Variants in AOPEP observed in about 807,000 individuals in gnomAD.
AOPEP encodes aminopeptidase O (putative).
Under a neutral mutation model 98.1 loss-of-function variants are expected in AOPEP, and 77 were observed. That is an observed-to-expected ratio of 0.78 (90% CI 0.65 to 0.95). The LOEUF is 0.95. Ranked by LOEUF, AOPEP falls within the 40% of genes least tolerant of loss-of-function variation. AOPEP has a pLI of 0.00. For missense variants in AOPEP, 1,024 were observed against 1,024.7 expected (o/e 1.00, Z 0.01); for synonymous variants, 346 against 365.3 (o/e 0.95, Z 0.60).
chr9:95,106,092 T>C, the AOPEP span, among the ~76,000 whole-genome samples: 1 of 152,208 alleles, frequency 6.6e-6, no homozygotes, highest in Non-Finnish European at 1.5e-5. Context: ...CCGGGAAGCA[T>C]ATGAGTGTTC....
chr9:95,032,048 C>A (rs2064351441), intron 13 of AOPEP, among the ~76,000 whole-genome samples: 1 of 152,174 alleles, frequency 6.6e-6, no homozygotes, highest in Non-Finnish European at 1.5e-5. Context: ...TTAACCATAA[C>A]ATGGAAAGGG....
At chr9:95,041,378 C>T (rs958962168) in intron 13 of AOPEP, among the ~76,000 whole-genome samples, 7 of 149,976 alleles carry the variant, frequency 4.7e-5, no homozygotes, top group Admixed American at 1.3e-4. Context: ...AAAAATCATC[C>T]TTGTGGTAAT....
At chr9:94,875,777 C>G (rs183187302) in intron 5 of AOPEP, among the ~76,000 whole-genome samples, 1 of 152,272 alleles carries the variant, frequency 6.6e-6, no homozygotes, top group East Asian at 1.9e-4. Context: ...AGAGATTAAC[C>G]TAAATTCTGA....
At chr9:94,903,892 TAAAA>T (rs10658054) in intron 5 of AOPEP, among the ~76,000 whole-genome samples, 4 of 96,594 alleles carry the variant, frequency 4.1e-5, no homozygotes, top group South Asian at 8.4e-4. Flanking sequence ...AGACTCTGTC[TAAAA>T]AAAAAAAAAA....
At chr9:94,909,141 A>G (rs2051615091) in intron 5 of AOPEP, among the ~76,000 whole-genome samples, 1 of 152,188 alleles carries the variant, frequency 6.6e-6, no homozygotes, top group South Asian at 2.1e-4. Flanking sequence ...AAATCACGCC[A>G]CACAGGAGCT....
the AOPEP span, chr9:95,125,267 TA>T: frequency 3.6e-6 from 4 of 1,110,784 alleles, no homozygotes; most frequent in Non-Finnish European, 5.5e-6. Flanking sequence ...AAGGGAAAAG[TA>T]GAAACACTTT....
At chr9:94,813,721 G>A (rs1851119202) in intron 5 of AOPEP, among the ~76,000 whole-genome samples, 1 of 152,240 alleles carries the variant, frequency 6.6e-6, no homozygotes, top group African/African-American at 2.4e-5. Context: ...GGCCTCTGAA[G>A]CACAGGGCAG....
chr9:94,838,647 T>C (rs1282433261), intron 5 of AOPEP, among the ~76,000 whole-genome samples: 1 of 152,206 alleles, frequency 6.6e-6, no homozygotes, highest in African/African-American at 2.4e-5. Flanking sequence ...TTGGTTCAGA[T>C]TTTCATTAAA....
intron 13 of AOPEP, among the ~76,000 whole-genome samples, chr9:95,008,643 G>C (rs780698037): frequency 3.3e-5 from 5 of 152,102 alleles, no homozygotes; most frequent in Non-Finnish European, 7.3e-5. Context: ...AAGTAAATTG[G>C]GGACTGAGAT....
At chr9:95,112,155 C>T in the AOPEP span, among the ~76,000 whole-genome samples, 3 of 152,252 alleles carry the variant, frequency 2.0e-5, no homozygotes, top group Admixed American at 2.0e-4. Flanking sequence ...GTGAAGCTAT[C>T]CCCTCGCCAC....
chr9:94,942,799 T>G (rs1162017585), intron 7 of AOPEP, among the ~76,000 whole-genome samples: 1 of 150,150 alleles, frequency 6.7e-6, no homozygotes, highest in Non-Finnish European at 1.5e-5. Flanking sequence ...AAAGTTAAAT[T>G]AGGAAAAATT....
chr9:94,928,511 C>T lies in AOPEP; in HGVS notation c.1641C>T (p.Pro547=), dbSNP rs545129535. ...TCCAGGACGAGATGCAATGCTCCCC[C>T]GAGGAGATGCAGGTGTTAAGGTAAA... ...RRLQDEMQCS[P]EEMQVLRPSK... Residue 547 remains proline, a synonymous_variant, in exon 7 of 17, where the codon CCC becomes CCT. Coordinates refer to ENST00000375315, the MANE Select transcript of AOPEP (RefSeq NM_001193329.3). 4.0e-4 allele frequency: 623 copies of T among 1,550,704 alleles called. 8 individuals are homozygous for T. In the South Asian group the frequency reaches 6.3e-3, roughly 16 times the overall value.
chr9:95,124,286 C>T, the AOPEP span, among the ~76,000 whole-genome samples: 1 of 152,082 alleles, frequency 6.6e-6, no homozygotes, highest in Non-Finnish European at 1.5e-5. Context: ...ACTGGACCAG[C>T]ACCACTCTCG....
the AOPEP span, among the ~76,000 whole-genome samples, chr9:95,108,342 G>A: frequency 4.2e-4 from 64 of 152,194 alleles, no homozygotes; most frequent in African/African-American, 1.4e-3. Flanking sequence ...CCAGCCTGCC[G>A]GGTCTGATGG....
At chr9:95,117,318 G>C in the AOPEP span, 13 of 1,613,814 alleles carry the variant, frequency 8.1e-6, no homozygotes, top group Admixed American at 1.0e-4. Context: ...AACTCACCTT[G>C]AGGGTCTTGC....
chr9:95,032,644 C>G (rs2064420129), intron 13 of AOPEP, among the ~76,000 whole-genome samples: 1 of 152,206 alleles, frequency 6.6e-6, no homozygotes. Flanking sequence ...GGCACAAAAC[C>G]TCACTTTGGA....
chr9:94,990,025 C>T (rs1417283055), intron 11 of AOPEP, among the ~76,000 whole-genome samples: 1 of 152,200 alleles, frequency 6.6e-6, no homozygotes, highest in East Asian at 1.9e-4. Flanking sequence ...CCCATGAGCT[C>T]ATGGTTTGTG....
At chr9:95,008,561 G>T (rs770075191) in intron 13 of AOPEP, among the ~76,000 whole-genome samples, 1 of 152,188 alleles carries the variant, frequency 6.6e-6, no homozygotes, top group Non-Finnish European at 1.5e-5. Context: ...GTTTTTCAGT[G>T]AACTCACAAG....
At chr9:94,739,020 G>C (rs1303389544) in intron 1 of AOPEP, among the ~76,000 whole-genome samples, 1 of 152,192 alleles carries the variant, frequency 6.6e-6, no homozygotes, top group African/African-American at 2.4e-5. Flanking sequence ...CAGTCTAGGA[G>C]CAAGAATGCC....
Sources: allele counts gnomAD v4.1 joint callset (sites outside exome capture counted in the v4.1 genomes callset), GRCh38; gene constraint gnomAD v4.1.1; transcripts MANE v1.5; gene names NCBI Gene and HGNC (gene_info 2026-07-23, HGNC 2026-07-21).